The following SIPA1L1 variants were observed in gnomAD, a reference collection of about 807,000 sequenced individuals.
SIPA1L1 encodes the protein signal-induced proliferation-associated 1-like protein 1.
Under a neutral mutation model 162.7 loss-of-function variants are expected in SIPA1L1, and 26 were observed. The observed-to-expected ratio is 0.16, with a 90% CI of 0.12 to 0.22. SIPA1L1 has a LOEUF of 0.22. SIPA1L1 is among the 10% of genes least tolerant of loss of function. The pLI is 1.00. For synonymous variants in SIPA1L1, 829 were observed against 837.4 expected, an observed-to-expected ratio of 0.99 and a Z score of 0.17; for missense variants, 1,874 against 2,241.0, an observed-to-expected ratio of 0.84 and a Z score of 3.31.
chr14:71,512,009 G>T (rs996638099), intron 2 of SIPA1L1, among the ~76,000 whole-genome samples: 12 of 152,192 alleles, frequency 7.9e-5, no homozygotes, highest in African/African-American at 2.9e-4. Flanking sequence ...GCGAACAGAA[G>T]TACCTGTTTT....
At chr14:71,452,995 A>G (rs956996360) in intron 2 of SIPA1L1, among the ~76,000 whole-genome samples, 3 of 152,338 alleles carry the variant, frequency 2.0e-5, no homozygotes, top group South Asian at 2.1e-4. Flanking sequence ...TCACTAATAG[A>G]TACAACATCC....
intron 16 of SIPA1L1, among the ~76,000 whole-genome samples, chr14:71,707,357 G>A (rs1235227700): frequency 1.3e-5 from 2 of 152,116 alleles, no homozygotes; most frequent in Admixed American, 1.3e-4. Context: ...ACATACCATA[G>A]TATTTACCCA....
At chr14:71,400,612 G>A (rs1414376870) in intron 2 of SIPA1L1, among the ~76,000 whole-genome samples, 1 of 151,294 alleles carries the variant, frequency 6.6e-6, no homozygotes, top group Non-Finnish European at 1.5e-5. Flanking sequence ...TGAGTGTTGT[G>A]TTAACCTGTA....
chr14:71,600,314 G>A (rs1018514571), intron 5 of SIPA1L1, among the ~76,000 whole-genome samples: 3 of 151,932 alleles, frequency 2.0e-5, no homozygotes, highest in Non-Finnish European at 2.9e-5. Context: ...CAGGATTGTA[G>A]AATTTTCCCA....
intron 2 of SIPA1L1, among the ~76,000 whole-genome samples, chr14:71,395,486 C>A (rs1479180423): frequency 6.6e-6 from 1 of 152,110 alleles, no homozygotes; most frequent in Non-Finnish European, 1.5e-5. Flanking sequence ...CATAGCAAGA[C>A]CCTGTCTCTA....
At chr14:71,656,319 A>G (rs2043051786) in intron 8 of SIPA1L1, among the ~76,000 whole-genome samples, 1 of 142,184 alleles carries the variant, frequency 7.0e-6, no homozygotes, top group African/African-American at 2.7e-5. Context: ...ACAGTGTAAT[A>G]AATGAATACC....
At chr14:71,591,348 G>A (rs570293567) in intron 5 of SIPA1L1, among the ~76,000 whole-genome samples, 3 of 152,188 alleles carry the variant, frequency 2.0e-5, no homozygotes, top group East Asian at 3.9e-4. Flanking sequence ...AGTAAATGTT[G>A]GAGCCAGGCT....
chr14:71,417,501 A>AAAAAAAAAAAAAAC (rs2042885820), intron 2 of SIPA1L1, among the ~76,000 whole-genome samples: 1 of 146,310 alleles, frequency 6.8e-6, no homozygotes, highest in Non-Finnish European at 1.5e-5. Flanking sequence ...AAAAAAAAAA[A>AAAAAAAAAAAAAAC]AAGAAAATCC....
chr14:71,736,342 A>G (rs886072015), intron 22 of SIPA1L1, among the ~76,000 whole-genome samples: 3 of 152,224 alleles, frequency 2.0e-5, no homozygotes, highest in Non-Finnish European at 2.9e-5. Context: ...GGTTGCAGTG[A>G]GCCAAGATCG....
At chr14:71,565,019 A>C (rs1235839159) in intron 4 of SIPA1L1, among the ~76,000 whole-genome samples, 4 of 152,224 alleles carry the variant, frequency 2.6e-5, no homozygotes, top group Admixed American at 2.0e-4. Context: ...CAGATTGACA[A>C]AAATTTTAAG....
chr14:71,334,374 G>T (rs1195189198), intron 2 of SIPA1L1, among the ~76,000 whole-genome samples: 1 of 152,194 alleles, frequency 6.6e-6, no homozygotes, highest in Non-Finnish European at 1.5e-5. Flanking sequence ...ATTGTATTGT[G>T]GAAAGTTAGC....
At chr14:71,718,438 T>C (rs1300124402) in intron 17 of SIPA1L1, among the ~76,000 whole-genome samples, 1 of 152,258 alleles carries the variant, frequency 6.6e-6, no homozygotes, top group Non-Finnish European at 1.5e-5. Flanking sequence ...ATTGTGTTCA[T>C]AGATAAAACC....
chr14:71,483,374 G>A (rs1308561395), intron 2 of SIPA1L1, among the ~76,000 whole-genome samples: 1 of 152,180 alleles, frequency 6.6e-6, no homozygotes, highest in Non-Finnish European at 1.5e-5. Flanking sequence ...TGCTCTTTGT[G>A]AAAATGTCTC....
intron 12 of SIPA1L1, among the ~76,000 whole-genome samples, chr14:71,679,838 G>A (rs1057128488): frequency 6.6e-6 from 1 of 152,106 alleles, no homozygotes; most frequent in Non-Finnish European, 1.5e-5. Context: ...GACAAAGAAG[G>A]CCATTACATA....
chr14:71,613,320 A>G (rs2038435492), intron 5 of SIPA1L1, among the ~76,000 whole-genome samples: 1 of 151,984 alleles, frequency 6.6e-6, no homozygotes, highest in Non-Finnish European at 1.5e-5. Flanking sequence ...TAAGTGACTT[A>G]TCTTCTTTAA....
chr14:71,387,896 A>G (rs1485822577), intron 2 of SIPA1L1, among the ~76,000 whole-genome samples: 1 of 152,260 alleles, frequency 6.6e-6, no homozygotes, highest in Non-Finnish European at 1.5e-5. Context: ...TGCTTTTGGT[A>G]TGATTCAATT....
intron 2 of SIPA1L1, among the ~76,000 whole-genome samples, chr14:71,323,718 A>G (rs916107164): frequency 1.3e-5 from 2 of 152,112 alleles, no homozygotes; most frequent in Non-Finnish European, 2.9e-5. Context: ...TAGCATCCCT[A>G]TATTCCTAAC....
intron 7 of SIPA1L1, among the ~76,000 whole-genome samples, chr14:71,643,232 A>G (rs898003432): frequency 6.6e-6 from 1 of 152,224 alleles, no homozygotes; most frequent in Non-Finnish European, 1.5e-5. Context: ...TCCTAACAGC[A>G]GCCAAAGGGA....
intron 2 of SIPA1L1, among the ~76,000 whole-genome samples, chr14:71,440,419 G>A (rs915837346): frequency 2.0e-5 from 3 of 151,958 alleles, no homozygotes; most frequent in African/African-American, 7.3e-5. Context: ...TTGGGCAGCC[G>A]AGGCAGGCCG....
Sources: allele counts gnomAD v4.1 joint callset (sites outside exome capture counted in the v4.1 genomes callset), GRCh38; gene constraint gnomAD v4.1.1; transcripts MANE v1.5; gene names NCBI Gene and HGNC (gene_info 2026-07-23, HGNC 2026-07-21).